Variants in POLH observed in about 807,000 individuals in gnomAD.
The protein encoded by POLH is DNA polymerase eta transcript.
Under a neutral mutation model 73.6 loss-of-function variants are expected in POLH, and 53 were observed. That is an observed-to-expected ratio of 0.72 (90% CI 0.58 to 0.91). The LOEUF is 0.91. Among genes scored for constraint, POLH ranks in the 40% least tolerant of loss-of-function variants. The pLI, the probability that POLH is intolerant of heterozygous loss-of-function variation, is 0.00. For missense variants in POLH, 768 were observed against 865.4 expected, an observed-to-expected ratio of 0.89 and a Z score of 1.41; for synonymous variants, 292 against 308.5, an observed-to-expected ratio of 0.95 and a Z score of 0.56.
intron 4 of POLH, chr6:43,591,364 G>C (rs1765443983): frequency 6.6e-6 from 1 of 152,018 alleles, no homozygotes; most frequent in Non-Finnish European, 1.5e-5. Context: ...GTGTCACCCA[G>C]GCTGGAATGC....
rs1330923977 is a variant in POLH, at chr6:43,580,688, C to T, written c.-4-1628C>T. On this transcript the variant is annotated intron_variant, in intron 1 of 10. Coordinates refer to ENST00000372236, the MANE Select transcript of POLH (RefSeq NM_006502.3). The stretch of plus-strand genomic sequence containing the variant: ...GGGGCTGACCCCCCCACCTCCCTCC[C>T]GGACTGGGCGGCTGGCCGGGCGGGG... Among the ~76,000 whole-genome samples the T allele has an allele frequency of 4.4e-3, 624 of 140,528 alleles. 5 individuals carry two copies. The highest frequency in any genetic ancestry group is 8.8e-3 in the African/African-American group (311 of 35,286). The allele number at this position is 140,528 out of a possible 152,430, so 92.2% of individuals were successfully genotyped here. A position where few individuals can be genotyped will look rare whatever the true frequency, so the allele number is the denominator to read the frequency against.
intron 10 of POLH, among the ~76,000 whole-genome samples, chr6:43,613,086 C>A (rs1768071272): frequency 6.6e-6 from 1 of 152,102 alleles, no homozygotes; most frequent in Non-Finnish European, 1.5e-5. Flanking sequence ...GTGTGAGCCA[C>A]CGCTCCCGGC....
intron 1 of POLH, 35 bp from the exon 2 acceptor site, chr6:43,582,281 G>A (rs750828183): frequency 1.2e-6 from 2 of 1,607,358 alleles, no homozygotes; most frequent in African/African-American, 1.3e-5. Context: ...TGGATTAGGT[G>A]TTTTTCTAAC....
rs1768212862 is a variant in POLH, at chr6:43,614,835, G to C, written c.*278G>C. Reference sequence around the variant, plus strand: ...TAAAGTAAAAAGTGTGTGGGCCTTGGAGTCTAAGAGACGTGGTTGCAAACT... The same window carrying C: ...TAAAGTAAAAAGTGTGTGGGCCTTGCAGTCTAAGAGACGTGGTTGCAAACT... On this transcript the variant is annotated 3_prime_UTR_variant, in exon 11 of 11. Transcript: ENST00000372236. 9.9e-6 allele frequency: 4 copies of C among 404,178 alleles called. No homozygotes were observed. The highest frequency in any genetic ancestry group is 4.5e-5 in the East Asian group (1 of 22,336). The allele number at this position is 404,178 out of a possible 1,614,324, so 25.0% of individuals were successfully genotyped here.
intron 5 of POLH, among the ~76,000 whole-genome samples, chr6:43,598,982 A>ATTTTTTTTT (rs938691033): frequency 3.7e-5 from 4 of 108,138 alleles, no homozygotes; most frequent in Admixed American, 1.0e-4. Flanking sequence ...CACTTGCTGA[A>ATTTTTTTTT]TTTTTTTTTT....
intron 4 of POLH, among the ~76,000 whole-genome samples, chr6:43,595,011 G>A (rs1243711205): frequency 6.6e-6 from 1 of 151,978 alleles, no homozygotes; most frequent in Non-Finnish European, 1.5e-5. Context: ...CATCCTTGGT[G>A]ACATGGTGAA....
In POLH at chr6:43,618,862, C is replaced by G. The variant is rs1226666237; in HGVS notation, c.*4305C>G. The stretch of plus-strand genomic sequence containing the variant: ...GCCAGGCTGGTCTTGAACTCTTGAT[C>G]TCAAGTGATCCACCCGCCCTGGCCT... On this transcript the variant is annotated 3_prime_UTR_variant, in exon 11 of 11. Transcript: ENST00000372236. Among the ~76,000 whole-genome samples the G allele has an allele frequency of 2.6e-5, 4 of 151,218 alleles. No homozygotes were observed. Among genetic ancestry groups the G allele is most frequent in the African/African-American group, 9.7e-5 (4 of 41,088 alleles).
At position 43,614,367 on chromosome 6, in the gene POLH, T is replaced by G; in HGVS notation, c.1952T>G (p.Met651Arg). Reference sequence around the variant, plus strand: ...CCGGTATGGGATATGCCAGAACACATGGACTATCATTTTGCATTGGAGTTG... The same window carrying G: ...CCGGTATGGGATATGCCAGAACACAGGGACTATCATTTTGCATTGGAGTTG... ...LVPVWDMPEHMDYHFALELQK... is the reference protein window; with the variant it reads ...LVPVWDMPEHRDYHFALELQK... The change falls in exon 11 of 11, where the codon ATG (methionine) becomes AGG (arginine). Residue 651 changes from methionine to arginine, a missense_variant. Physicochemically the swap from Met to Arg is moderately conservative, Grantham distance 91 (BLOSUM62 -1). Coordinates refer to ENST00000372236, the MANE Select transcript of POLH (RefSeq NM_006502.3). 2 of 1,613,908 alleles carry G rather than the reference T, an allele frequency of 1.2e-6. No individual in the cohort carries two copies. Among genetic ancestry groups the G allele is most frequent in the Non-Finnish European group, 1.7e-6 (2 of 1,179,758 alleles).
intron 7 of POLH, 21 bp from the exon 8 acceptor site, chr6:43,604,594 G>A (rs1320630633): frequency 1.4e-5 from 22 of 1,612,252 alleles, no homozygotes; most frequent in South Asian, 2.2e-5. Flanking sequence ...TCACCTTAAC[G>A]TTTTTTGCTG....
intron 4 of POLH, among the ~76,000 whole-genome samples, chr6:43,596,583 CATA>C (rs1251897769): frequency 6.6e-6 from 1 of 151,890 alleles, no homozygotes; most frequent in Non-Finnish European, 1.5e-5. Flanking sequence ...TAAATGGCTG[CATA>C]ATGAGGAATG....
intron 4 of POLH, among the ~76,000 whole-genome samples, chr6:43,589,548 C>T (rs1231724423): frequency 6.6e-6 from 1 of 151,924 alleles, no homozygotes; most frequent in African/African-American, 2.4e-5. Flanking sequence ...TAATCTTTGC[C>T]CATTTTTCCA....
rs1056844433 is a variant in POLH at position 43,616,093 on chromosome 6, G to A, written c.*1536G>A. Among the ~76,000 whole-genome samples the A allele has an allele frequency of 1.3e-5, 2 of 151,928 alleles. No individual in the cohort carries two copies. Among genetic ancestry groups the A allele is most frequent in the Admixed American group, 6.6e-5 (1 of 15,264 alleles). ...CACAAGGTCAGGAGATCGAGACCAC[G>A]GTGAAACCCCGTCTCTACTAAAAAA... On this transcript the variant is annotated 3_prime_UTR_variant, in exon 11 of 11. Transcript: ENST00000372236.
rs781721312 is a variant in POLH at position 43,610,627 on chromosome 6, G to A, written c.1148G>A (p.Arg383His). 1.0e-4 allele frequency: 161 copies of A among 1,613,582 alleles called. No homozygotes were observed. The highest frequency in any genetic ancestry group is 1.2e-4 in the Non-Finnish European group (146 of 1,179,742). The stretch of plus-strand genomic sequence containing the variant: ...GACAAACGCCTCAGCAGCCTGCGCC[G>A]CTGCTGTGCCCTTACCCGCTATGAT... ...QGDKRLSSLR[R>H]CCALTRYDAH... Residue 383 changes from arginine (R) to histidine (H), a missense_variant, in exon 10 of 11, where the codon CGC (arginine) becomes CAC (histidine). Coordinates refer to ENST00000372236, the MANE Select transcript of POLH (RefSeq NM_006502.3).
chr6:43,613,925 C>G lies in POLH; in HGVS notation c.1510C>G (p.Pro504Ala), dbSNP rs1379541520. Residue 504 changes from proline (P) to alanine (A), a missense_variant, in exon 11 of 11, where the codon CCC (proline) becomes GCC (alanine). Coordinates refer to ENST00000372236, the MANE Select transcript of POLH (RefSeq NM_006502.3). Reference sequence around the variant, plus strand: ...AGCTTCGCTTTCATCTCTTACTGCTCCCACTCAGGCTCCCATGAGCAATTC... The same window carrying G: ...AGCTTCGCTTTCATCTCTTACTGCTGCCACTCAGGCTCCCATGAGCAATTC... Reference protein sequence around the residue: ...KEASLSSLTAPTQAPMSNSPS... With the variant: ...KEASLSSLTAATQAPMSNSPS... The G allele has an allele frequency of 6.2e-7, 1 of 1,613,906 alleles. No homozygotes were observed. The highest frequency in any genetic ancestry group is 1.7e-5 in the Admixed American group (1 of 60,024).
chr6:43,601,217 A>G, intron 6 of POLH, 126 bp downstream of exon 6: 1 of 730,218 alleles, frequency 1.4e-6, no homozygotes, highest in South Asian at 1.4e-5. Context: ...AGTTAGAAGG[A>G]AAACAACACA....
chr6:43,601,069 A>G lies in POLH; in HGVS notation c.742A>G (p.Ser248Gly). The change falls in exon 6 of 11, where the codon AGC (serine) becomes GGC (glycine). Residue 248 changes from serine (S) to glycine (G), a missense_variant. Coordinates refer to ENST00000372236, the MANE Select transcript of POLH (RefSeq NM_006502.3). Reference protein sequence around the residue: ...VSHGSVPQLFSQMPIRKIRSL... With the variant: ...VSHGSVPQLFGQMPIRKIRSL... ...ACATGGGTCAGTCCCACAGCTCTTCAGCCAAATGCCCATTCGCAAAATGTA... is the reference window on the plus strand; with the variant it reads ...ACATGGGTCAGTCCCACAGCTCTTCGGCCAAATGCCCATTCGCAAAATGTA... The G allele has an allele frequency of 6.2e-7, 1 of 1,613,640 alleles. No individual in the cohort carries two copies. The highest frequency in any genetic ancestry group is 8.5e-7 in the Non-Finnish European group (1 of 1,179,540).
chr6:43,597,178 C>T (rs774500596), intron 4 of POLH, among the ~76,000 whole-genome samples: 1 of 152,042 alleles, frequency 6.6e-6, no homozygotes, highest in Non-Finnish European at 1.5e-5. Flanking sequence ...TGCAGTGGCG[C>T]AATCTCGGCT....
intron 1 of POLH, among the ~76,000 whole-genome samples, chr6:43,581,103 A>G (rs1223903020): frequency 1.4e-4 from 17 of 122,524 alleles, no homozygotes; most frequent in South Asian, 3.1e-4. Flanking sequence ...CAGACGGGGC[A>G]GCTGCCGGGC....
At chr6:43,577,096 T>C (rs1166005489) in intron 1 of POLH, among the ~76,000 whole-genome samples, 1 of 152,138 alleles carries the variant, frequency 6.6e-6, no homozygotes, top group East Asian at 1.9e-4. Flanking sequence ...GGAGAATCGC[T>C]TGAACCCGGG....
Sources: gnomAD v4.1 joint callset for allele counts (sites outside exome capture counted in the v4.1 genomes callset) on GRCh38, gnomAD v4.1.1 for gene constraint, MANE v1.5 for transcripts, NCBI Gene and HGNC (gene_info 2026-07-23, HGNC 2026-07-21) for gene names.